The following FAM222B variants were observed in gnomAD, a reference collection of about 807,000 sequenced individuals.
FAM222B encodes the protein family with sequence similarity 222 member B, also known as protein FAM222B.
In FAM222B, 12 loss-of-function variants were observed where a neutral mutation model predicts 38.0. That is an observed-to-expected ratio of 0.32 (90% CI 0.20 to 0.51). The LOEUF is 0.51. Ranked by LOEUF, FAM222B falls within the 20% of genes least tolerant of loss-of-function variation. FAM222B has a pLI of 0.97. For synonymous variants in FAM222B, 329 were observed against 317.2 expected (o/e 1.04, Z -0.40); for missense variants, 716 against 754.2 (o/e 0.95, Z 0.59).
chr17:28,784,379 G>A (rs1003006341), intron 1 of FAM222B, among the ~76,000 whole-genome samples: 2 of 151,356 alleles, frequency 1.3e-5, no homozygotes, highest in Non-Finnish European at 2.9e-5. Flanking sequence ...AGGAGGCTGA[G>A]AGGACAGAAT....
intron 1 of FAM222B, among the ~76,000 whole-genome samples, chr17:28,851,609 G>A (rs2039181716): frequency 6.6e-6 from 1 of 151,672 alleles, no homozygotes; most frequent in Non-Finnish European, 1.5e-5. Flanking sequence ...TAGGTGCAGT[G>A]ACTCATCCCT....
intron 1 of FAM222B, among the ~76,000 whole-genome samples, chr17:28,803,140 C>T (rs1035017364): frequency 1.3e-5 from 2 of 151,962 alleles, no homozygotes; most frequent in South Asian, 2.1e-4. Flanking sequence ...TCCTGAGTAA[C>T]TGGGATTACA....
At chr17:28,775,305 G>A (rs1313019252) in intron 1 of FAM222B, among the ~76,000 whole-genome samples, 1 of 151,926 alleles carries the variant, frequency 6.6e-6, no homozygotes, top group Non-Finnish European at 1.5e-5. Flanking sequence ...ATGGGAAAAG[G>A]AGGAGAAGAT....
At chr17:28,760,015 T>A in intron 2 of FAM222B, 139 bp from the exon 3 acceptor site, 1 of 832,384 alleles carries the variant, frequency 1.2e-6, no homozygotes, top group Non-Finnish European at 1.8e-6. Context: ...GTAGCCTTCA[T>A]TCGAGACCCA....
chr17:28,765,417 T>C (rs1302597863), intron 2 of FAM222B, among the ~76,000 whole-genome samples: 1 of 152,202 alleles, frequency 6.6e-6, no homozygotes, highest in African/African-American at 2.4e-5. Context: ...AGAGACCACA[T>C]GGCCCACAAA....
chr17:28,829,532 T>C (rs1490374858), intron 1 of FAM222B, among the ~76,000 whole-genome samples: 1 of 152,188 alleles, frequency 6.6e-6, no homozygotes, highest in Non-Finnish European at 1.5e-5. Flanking sequence ...GTCCTTATAG[T>C]TGAGTTTTCC....
Position 28,821,926 on chromosome 17 carries a change from T to C in FAM222B, c.-41+20756A>G, listed in dbSNP as rs1008724515. ...GTTGCAGTGAGCCGAGATTGCACCA[T>C]TGCACTCCAGCCTGGGCGACAGAGC... is the stretch of plus-strand genomic sequence containing the variant. On this transcript the variant is annotated intron_variant, in intron 1 of 2. Transcript: ENST00000581407. 9.9e-5 allele frequency among the ~76,000 whole-genome samples: 15 copies of C among 151,166 alleles called. 1 individual carries two copies. Among genetic ancestry groups the C allele is most frequent in the African/African-American group, 1.9e-4 (8 of 41,212 alleles).
At chr17:28,827,188 C>T (rs1230698050) in intron 1 of FAM222B, among the ~76,000 whole-genome samples, 3 of 151,902 alleles carry the variant, frequency 2.0e-5, no homozygotes, top group Admixed American at 6.6e-5. Context: ...GAAACCCCAT[C>T]TCCACAAAAA....
chr17:28,795,944 A>G (rs987461233), intron 1 of FAM222B, among the ~76,000 whole-genome samples: 1 of 152,194 alleles, frequency 6.6e-6, no homozygotes, highest in Non-Finnish European at 1.5e-5. Flanking sequence ...AGCCATTAAG[A>G]CTGCTCCTAA....
chr17:28,820,444 A>G (rs2038168346), intron 1 of FAM222B, among the ~76,000 whole-genome samples: 1 of 152,158 alleles, frequency 6.6e-6, no homozygotes, highest in African/African-American at 2.4e-5. Context: ...AAATGTCTTT[A>G]AGGTGTTACC....
intron 1 of FAM222B, among the ~76,000 whole-genome samples, chr17:28,790,995 T>A (rs1235192912): frequency 2.1e-5 from 3 of 141,536 alleles, no homozygotes; most frequent in South Asian, 4.6e-4. Flanking sequence ...GCCTCCCAGG[T>A]CCACGCCATT....
intron 2 of FAM222B, among the ~76,000 whole-genome samples, chr17:28,760,515 G>A (rs1163867957): frequency 1.3e-5 from 2 of 152,066 alleles, no homozygotes; most frequent in South Asian, 2.1e-4. Flanking sequence ...AGGAGGCGGA[G>A]GTTGCAGTGA....
intron 1 of FAM222B, among the ~76,000 whole-genome samples, chr17:28,794,541 A>G (rs2078382202): frequency 6.6e-6 from 1 of 152,074 alleles, no homozygotes; most frequent in Admixed American, 6.6e-5. Context: ...TTTTAAAGAG[A>G]TAAGATTTTG....
At chr17:28,772,116 C>A (rs2151805759) in intron 1 of FAM222B, among the ~76,000 whole-genome samples, 1 of 152,144 alleles carries the variant, frequency 6.6e-6, no homozygotes, top group South Asian at 2.1e-4. Context: ...AAACCAAAAA[C>A]CTCAACCTTA....
intron 1 of FAM222B, among the ~76,000 whole-genome samples, chr17:28,811,942 A>C (rs960939994): frequency 6.6e-6 from 1 of 152,118 alleles, no homozygotes; most frequent in African/African-American, 2.4e-5. Flanking sequence ...CAGATACCAC[A>C]CAAAAAAGGG....
At chr17:28,823,397 G>C (rs2038332491) in intron 1 of FAM222B, among the ~76,000 whole-genome samples, 1 of 144,374 alleles carries the variant, frequency 6.9e-6, no homozygotes, top group Non-Finnish European at 1.5e-5. Context: ...GTCTAGCTCT[G>C]TCACATGGAG....
chr17:28,781,419 TTGTACAC>T (rs1451378767), intron 1 of FAM222B, among the ~76,000 whole-genome samples: 2 of 152,038 alleles, frequency 1.3e-5, no homozygotes, highest in Non-Finnish European at 2.9e-5. Context: ...AAAGGAACCT[TTGTACAC>T]TGTTGATGAG....
chr17:28,785,505 C>T (rs569955114), intron 1 of FAM222B, among the ~76,000 whole-genome samples: 1 of 152,046 alleles, frequency 6.6e-6, no homozygotes, highest in Admixed American at 6.6e-5. Flanking sequence ...AATTCTAAGC[C>T]GTGGTTTTGA....
chr17:28,792,127 C>T lies in FAM222B; in HGVS notation c.-40-25420G>A, dbSNP rs186275972. On this transcript the variant is annotated intron_variant, in intron 1 of 2. Coordinates refer to ENST00000581407, the MANE Select transcript of FAM222B (RefSeq NM_001077498.3). ...GAGATCGAGACCATCCTGGCCAACA[C>T]GGTGAAACCCCGTCTCTACTAAAAA... 5.3e-5 allele frequency among the ~76,000 whole-genome samples: 8 copies of T among 150,730 alleles called. No individual in the cohort carries two copies. The East Asian group carries it at 6.1e-4, about 11-fold the overall frequency.
Sources: gnomAD v4.1 joint callset for allele counts (sites outside exome capture counted in the v4.1 genomes callset) on GRCh38, gnomAD v4.1.1 for gene constraint, MANE v1.5 for transcripts, NCBI Gene and HGNC (gene_info 2026-07-23, HGNC 2026-07-21) for gene names.